TMLHE: variants seen among roughly 807,000 people sequenced by gnomAD.
TMLHE encodes the protein trimethyllysine dioxygenase, mitochondrial.
Under a neutral mutation model 25.7 loss-of-function variants are expected in TMLHE, and 18 were observed. The observed-to-expected ratio is 0.70, with a 90% CI of 0.48 to 1.04. The LOEUF (loss-of-function observed/expected upper bound fraction) is 1.04, where lower values mean the gene tolerates loss of function less well. TMLHE is among the 50% of genes least tolerant of loss of function. The pLI is 0.00. For synonymous variants in TMLHE, 105 were observed against 97.0 expected (o/e 1.08, Z -0.49); for missense variants, 236 against 259.0 (o/e 0.91, Z 0.61).
intron 1 of TMLHE, among the ~76,000 whole-genome samples, chrX:155,604,126 T>G (rs1391653432): frequency 9.0e-6 from 1 of 111,703 alleles, no homozygotes; most frequent in Non-Finnish European, 1.9e-5. Flanking sequence ...GGCCCCTGGC[T>G]TGGGCCCACA....
intron 1 of TMLHE, among the ~76,000 whole-genome samples, chrX:155,559,357 T>C (rs1334506994): frequency 3.6e-5 from 4 of 111,377 alleles, no homozygotes; most frequent in Non-Finnish European, 7.5e-5. Flanking sequence ...CTTTTTCCTA[T>C]TTCTTATATA....
At chrX:155,549,350 T>C (rs1306579254) in intron 1 of TMLHE, among the ~76,000 whole-genome samples, 2 of 110,747 alleles carry the variant, frequency 1.8e-5, no homozygotes, top group Admixed American at 1.9e-4. Flanking sequence ...AGCCATGTTT[T>C]TGGATTTTTT....
At chrX:155,548,889 T>C (rs2067389296) in intron 1 of TMLHE, among the ~76,000 whole-genome samples, 1 of 111,023 alleles carries the variant, frequency 9.0e-6, no homozygotes, top group African/African-American at 3.3e-5. Flanking sequence ...TAGGGAATTG[T>C]AATCTAGTCA....
chrX:155,581,192 T>G (rs893663376), intron 1 of TMLHE, among the ~76,000 whole-genome samples: 1 of 111,174 alleles, frequency 9.0e-6, no homozygotes, highest in Admixed American at 9.6e-5. Context: ...TAAGAGCTAT[T>G]TATGACAAAC....
intron 2 of TMLHE, among the ~76,000 whole-genome samples, chrX:155,542,864 C>G (rs1443135246): frequency 1.8e-5 from 2 of 110,779 alleles, no homozygotes; most frequent in Non-Finnish European, 3.8e-5. Flanking sequence ...AAGAATATCT[C>G]TTTGTCTTTG....
At chrX:155,537,486 T>C (rs782195632) in intron 2 of TMLHE, among the ~76,000 whole-genome samples, 9 of 111,115 alleles carry the variant, frequency 8.1e-5, no homozygotes, top group Non-Finnish European at 1.7e-4. Flanking sequence ...AAACATTCCA[T>C]ACTCTAGCCA....
chrX:155,561,314 T>G (rs1366370133), intron 1 of TMLHE, among the ~76,000 whole-genome samples: 2 of 60,152 alleles, frequency 3.3e-5, no homozygotes, highest in African/African-American at 7.4e-5. Context: ...TGGGGGGAAT[T>G]GCCACACTTT....
At chrX:155,588,839 T>A (rs1382129842) in intron 1 of TMLHE, among the ~76,000 whole-genome samples, 1 of 111,526 alleles carries the variant, frequency 9.0e-6, no homozygotes, top group Non-Finnish European at 1.9e-5. Flanking sequence ...AATGAACAAA[T>A]GTTGATGAGG....
In TMLHE at chrX:155,557,290, A is replaced by G. The variant is rs781956336; in HGVS notation, c.-1-12013T>C. On this transcript the variant is annotated intron_variant, in intron 1 of 7. Coordinates refer to ENST00000334398, the MANE Select transcript of TMLHE (RefSeq NM_018196.4). ...AGTAAAGACAGGCATAAGAAATTAC[A>G]AAAGTATTAATTTGGGGAACTAATA... Among the ~76,000 whole-genome samples the G allele has an allele frequency of 4.5e-5, 5 of 112,224 alleles. No individual in the cohort carries two copies. The South Asian group carries it at 1.8e-3, about 41-fold the overall frequency.
At position 155,548,578 on chromosome X, in the gene TMLHE, T is replaced by C. The variant is rs144701823; in HGVS notation, c.-1-3301A>G. On this transcript the variant is annotated intron_variant, in intron 1 of 7. Coordinates refer to ENST00000334398, the MANE Select transcript of TMLHE (RefSeq NM_018196.4). ...GTGAAACCCTGTCTCTACTAAAAAA[T>C]ACAAAAATTAGCCGGGTGTGGTGGC... Among the ~76,000 whole-genome samples, 781 of 108,326 alleles carry C rather than the reference T, an allele frequency of 7.2e-3. 28 individuals carry two copies. Among genetic ancestry groups the C allele is most frequent in the African/African-American group, 0.025 (741 of 29,320 alleles). 94.1% of individuals were successfully genotyped at this position (108,326 alleles called of 115,157 possible). A position where few individuals can be genotyped will look rare whatever the true frequency, so the allele number is the denominator to read the frequency against.
intron 5 of TMLHE, among the ~76,000 whole-genome samples, chrX:155,511,437 T>A (rs2067111967): frequency 9.1e-6 from 1 of 109,615 alleles, no homozygotes; most frequent in Non-Finnish European, 1.9e-5. Flanking sequence ...TTTTTTTTTT[T>A]TATAAATTAC....
At chrX:155,534,013 A>T (rs2067264392) in intron 2 of TMLHE, among the ~76,000 whole-genome samples, 1 of 111,990 alleles carries the variant, frequency 8.9e-6, no homozygotes, top group Non-Finnish European at 1.9e-5. Flanking sequence ...GCTGATCCAC[A>T]TTTGATAAGG....
At chrX:155,548,535 G>A (rs7887277) in intron 1 of TMLHE, among the ~76,000 whole-genome samples, 6,596 of 109,153 alleles carry the variant, frequency 0.06, 606 homozygotes, top group African/African-American at 0.2. Context: ...GCAGTATGAG[G>A]CCAGCCTGAC....
intron 1 of TMLHE, among the ~76,000 whole-genome samples, chrX:155,574,888 TA>T (rs1386059248): frequency 9.0e-6 from 1 of 111,505 alleles, no homozygotes; most frequent in African/African-American, 3.3e-5. Flanking sequence ...AAAGATAGAT[TA>T]ATAGAGATAA....
At chrX:155,569,629 T>C (rs11152573) in intron 1 of TMLHE, among the ~76,000 whole-genome samples, 5,320 of 55,101 alleles carry the variant, frequency 0.097, 1,348 homozygotes, top group African/African-American at 0.12. Flanking sequence ...AGACTAACAG[T>C]GGATCTCTCG....
At chrX:155,510,997 C>T (rs1410028357) in intron 5 of TMLHE, among the ~76,000 whole-genome samples, 2 of 111,062 alleles carry the variant, frequency 1.8e-5, no homozygotes, top group South Asian at 3.9e-4. Context: ...TCTCTGATGG[C>T]CAGTAATGAT....
intron 1 of TMLHE, among the ~76,000 whole-genome samples, chrX:155,583,936 T>C (rs2067648659): frequency 9.0e-6 from 1 of 111,349 alleles, no homozygotes; most frequent in Non-Finnish European, 1.9e-5. Context: ...ACTACACTTG[T>C]ACCTCATATA....
At chrX:155,580,653 C>T (rs2124472030) in intron 1 of TMLHE, among the ~76,000 whole-genome samples, 1 of 111,722 alleles carries the variant, frequency 9.0e-6, no homozygotes, top group Non-Finnish European at 1.9e-5. Flanking sequence ...CTGGGGAGGC[C>T]TCACAACGAT....
At chrX:155,590,167 A>G (rs1192428525) in intron 1 of TMLHE, among the ~76,000 whole-genome samples, 3 of 112,459 alleles carry the variant, frequency 2.7e-5, no homozygotes, top group Non-Finnish European at 5.6e-5. Context: ...AAAACATGGT[A>G]CATACGTGTA....
Sources: allele counts gnomAD v4.1 joint callset (sites outside exome capture counted in the v4.1 genomes callset), GRCh38; gene constraint gnomAD v4.1.1; transcripts MANE v1.5; gene names NCBI Gene and HGNC (gene_info 2026-07-23, HGNC 2026-07-21).